The following CCP110 variants were observed in gnomAD, a reference collection of about 807,000 sequenced individuals.
CCP110 encodes the protein centriolar coiled-coil protein of 110 kDa.
In CCP110, 43 loss-of-function variants were observed where a neutral mutation model predicts 105.5. The ratio of observed to expected loss-of-function variants is 0.41; its 90% CI spans 0.32 to 0.53. CCP110 has a LOEUF of 0.53. CCP110 is among the 20% of genes least tolerant of loss of function. The pLI, the probability that CCP110 is intolerant of heterozygous loss-of-function variation, is 0.32. For missense variants in CCP110, 1,016 were observed against 1,189.1 expected (o/e 0.85, Z 2.14); for synonymous variants, 353 against 392.1 (o/e 0.90, Z 1.18).
In CCP110 at chr16:19,537,058, A is replaced by G. The variant is rs141967827; in HGVS notation, c.1389A>G (p.Gln463=). Residue 463 remains glutamine (Q), a synonymous_variant, in exon 4 of 15, where the codon CAA becomes CAG. Transcript: ENST00000381396. ...TAGGTAAATCAAATCAGGTATGTCA[A>G]TCTTCAGGAAATCATTTAGAAAATA... 56 of 1,614,102 alleles carry G rather than the reference A, an allele frequency of 3.5e-5. No individual in the cohort carries two copies. In the African/African-American group the frequency reaches 7.2e-4, roughly 21 times the overall value.
At chr16:19,535,851 T>A in intron 3 of CCP110, 89 bp from the exon 4 acceptor site, 2 of 935,914 alleles carry the variant, frequency 2.1e-6, no homozygotes, top group Non-Finnish European at 3.1e-6. Flanking sequence ...AATTCTGAAT[T>A]TTCAATTTCA....
At chr16:19,532,319 C>A in intron 2 of CCP110, 97 bp from the exon 3 acceptor site, 2 of 987,960 alleles carry the variant, frequency 2.0e-6, no homozygotes, top group Non-Finnish European at 2.9e-6. Context: ...ATTAGTTTTG[C>A]CTGTTGCACA....
exon 15 of CCP110, chr16:19,553,165 GTTTTTAA>G (rs1459984021): frequency 6.6e-6 from 1 of 152,112 alleles, no homozygotes; most frequent in Non-Finnish European, 1.5e-5. Flanking sequence ...AAACTTGAGT[GTTTTTAA>G]TTTAAAGATA....
At chr16:19,536,601 G>C in exon 4 of CCP110, 1 of 1,614,160 alleles carries the variant, frequency 6.2e-7, no homozygotes, top group Non-Finnish European at 8.5e-7. Context: ...CAAGCAAGCA[G>C]CATGAGTATG....
exon 15 of CCP110, chr16:19,551,262 AT>A (rs769963327): frequency 6.2e-6 from 10 of 1,605,034 alleles, no homozygotes; most frequent in Middle Eastern, 1.7e-4. Flanking sequence ...GACAACATTC[AT>A]TAGGATAAAA....
exon 7 of CCP110, chr16:19,542,649 C>A (rs774226202): frequency 6.2e-7 from 1 of 1,612,544 alleles, no homozygotes; most frequent in South Asian, 1.1e-5. Flanking sequence ...TGCAATATAG[C>A]TTTGTTTCTG....
rs370664425 is a variant in CCP110 at position 19,543,090 on chromosome 16, CT to C, written c.2484+101del. 55 of 730,826 alleles carry C rather than the reference CT, an allele frequency of 7.5e-5. No individual in the cohort carries two copies. In the African/African-American group the frequency reaches 9.3e-4, roughly 12 times the overall value. The allele number at this position is 730,826 out of a possible 1,614,324, so 45.3% of individuals were successfully genotyped here. ...AACAGATTAGTTCAGAACTTAAACG[CT>C]TTTTAGTCACTGTAATCTAGGCAGT... On this transcript the variant is annotated intron_variant, in intron 8 of 14. Transcript: ENST00000381396.
At chr16:19,543,310 T>C (rs1046673198) in intron 8 of CCP110, among the ~76,000 whole-genome samples, 1 of 152,236 alleles carries the variant, frequency 6.6e-6, no homozygotes, top group Admixed American at 6.5e-5. Context: ...GAAGATTTCA[T>C]TTTAATATGG....
intron 10 of CCP110, 106 bp downstream of exon 10, chr16:19,545,316 A>G: frequency 1.7e-6 from 1 of 574,886 alleles, no homozygotes; most frequent in East Asian, 2.8e-5. Context: ...ATAATTCTTA[A>G]GCACAAGTAA....
At chr16:19,527,197 T>G (rs922512401) in intron 1 of CCP110, 2 of 152,182 alleles carry the variant, frequency 1.3e-5, no homozygotes, top group African/African-American at 4.8e-5. Context: ...TTTTTACCTC[T>G]GACTGAGTTG....
exon 12 of CCP110, chr16:19,546,457 A>T: frequency 6.3e-7 from 1 of 1,587,616 alleles, no homozygotes; most frequent in South Asian, 1.1e-5. Context: ...TGGTTAAACA[A>T]AATCCTTCTG....
chr16:19,546,546 G>T (rs1597278933), intron 12 of CCP110, 72 bp downstream of exon 12: 2 of 860,908 alleles, frequency 2.3e-6, no homozygotes, highest in African/African-American at 1.7e-5. Flanking sequence ...GCTGGGCACG[G>T]TGGCTCACGC....
chr16:19,533,722 C>T (rs564124849), intron 3 of CCP110, among the ~76,000 whole-genome samples: 3 of 152,252 alleles, frequency 2.0e-5, no homozygotes, highest in African/African-American at 7.2e-5. Context: ...CGTATCTTGT[C>T]AGAGTGAAAT....
At chr16:19,544,734 C>A in intron 8 of CCP110, 63 bp from the exon 9 acceptor site, 1 of 864,912 alleles carries the variant, frequency 1.2e-6, no homozygotes, top group Non-Finnish European at 1.9e-6. Flanking sequence ...AAGAAAAAAG[C>A]AAACTCCAGT....
chr16:19,536,831 A>G, exon 4 of CCP110: 2 of 1,614,190 alleles, frequency 1.2e-6, no homozygotes, highest in Non-Finnish European at 1.7e-6. Flanking sequence ...AGCGTGTCAT[A>G]TACTTATAAA....
chr16:19,551,153 A>G (rs1970625795), intron 14 of CCP110, 43 bp from the exon 14 acceptor site: 2 of 1,171,342 alleles, frequency 1.7e-6, no homozygotes, highest in Non-Finnish European at 2.6e-6. Context: ...CATTATAGAA[A>G]ACCTCCCATT....
chr16:19,528,080 G>A (rs778866065), intron 2 of CCP110, 58 bp downstream of exon 2: 123 of 1,405,650 alleles, frequency 8.8e-5, no homozygotes, highest in South Asian at 1.7e-4. Flanking sequence ...AAAACAGTTC[G>A]TGGAAAAACA....
At chr16:19,547,830 A>G (rs528536150) in intron 12 of CCP110, 125 bp from the exon 13 acceptor site, 1 of 706,124 alleles carries the variant, frequency 1.4e-6, no homozygotes, top group African/African-American at 1.8e-5. Flanking sequence ...TTGTGGTAAT[A>G]TATAGGCCAT....
chr16:19,527,697 A>T (rs1247236463), intron 1 of CCP110, 170 bp from the exon 2 acceptor site: 1 of 417,294 alleles, frequency 2.4e-6, no homozygotes, highest in Non-Finnish European at 4.2e-6. Flanking sequence ...CAGGTTCTTG[A>T]GGTGAATTAC....
Sources: allele counts gnomAD v4.1 joint callset (sites outside exome capture counted in the v4.1 genomes callset), GRCh38; gene constraint gnomAD v4.1.1; transcripts MANE v1.5; gene names NCBI Gene and HGNC (gene_info 2026-07-23, HGNC 2026-07-21).